ALOX5AP: variants seen among roughly 807,000 people sequenced by gnomAD.
ALOX5AP encodes arachidonate 5-lipoxygenase activating protein.
ALOX5AP carries 9 observed loss-of-function variants against 18.5 expected under a neutral mutation model. The ratio of observed to expected loss-of-function variants is 0.49; its 90% confidence interval spans 0.29 to 0.85. The LOEUF (loss-of-function observed/expected upper bound fraction) is 0.85, where lower values mean the gene tolerates loss of function less well. Ranked by LOEUF, ALOX5AP falls within the 40% of genes least tolerant of loss-of-function variation. The pLI, the probability that ALOX5AP is intolerant of heterozygous loss-of-function variation, is 0.08. For missense variants in ALOX5AP, 172 were observed against 202.5 expected (o/e 0.85, Z 0.91); for synonymous variants, 81 against 78.6 (o/e 1.03, Z -0.16).
At chr13:30,714,767 A>G (rs1377826537) in intron 1 of ALOX5AP, among the ~76,000 whole-genome samples, 1 of 152,182 alleles carries the variant, frequency 6.6e-6, no homozygotes, top group African/African-American at 2.4e-5. Flanking sequence ...TCCTAAGCTT[A>G]CGCCGTCACA....
At chr13:30,753,558 C>T (rs183521875) in intron 3 of ALOX5AP, among the ~76,000 whole-genome samples, 5 of 152,190 alleles carry the variant, frequency 3.3e-5, no homozygotes, top group Admixed American at 3.3e-4. Context: ...TGATAATCGT[C>T]ATTTCTTAGG....
intron 1 of ALOX5AP, among the ~76,000 whole-genome samples, chr13:30,741,103 CTTTTTTTTTTTTTTTTT>C (rs59980433): frequency 7.8e-5 from 5 of 63,968 alleles, no homozygotes; most frequent in Middle Eastern, 0.015. Context: ...CCTCCATATC[CTTTTTTTTTTTTTTTTT>C]TTTTTTTTTT....
upstream of ALOX5AP, among the ~76,000 whole-genome samples, chr13:30,735,275 C>T (rs945779561): frequency 2.0e-5 from 3 of 151,932 alleles, no homozygotes; most frequent in Non-Finnish European, 4.4e-5. Flanking sequence ...TCGTGCTGGT[C>T]ATGGTCTTGG....
upstream of ALOX5AP, among the ~76,000 whole-genome samples, chr13:30,734,833 C>T (rs1043437406): frequency 6.6e-6 from 1 of 152,226 alleles, no homozygotes; most frequent in African/African-American, 2.4e-5. Flanking sequence ...GAGATATCAG[C>T]TGTCCCTCCC....
intron 1 of ALOX5AP, among the ~76,000 whole-genome samples, chr13:30,739,405 A>G (rs1951745406): frequency 6.6e-6 from 1 of 152,310 alleles, no homozygotes; most frequent in South Asian, 2.1e-4. Context: ...ACAGGTCTTT[A>G]TAAGTGTATG....
Position 30,747,049 on chromosome 13 carries a change from G to A in ALOX5AP, c.170+2890G>A, listed in dbSNP as rs190195213. ...GATACACTAGCCAGTGTGGCTCATCGGCTCAGACTTGGCCTTAATTAATGG... is the reference window on the plus strand; with the variant it reads ...GATACACTAGCCAGTGTGGCTCATCAGCTCAGACTTGGCCTTAATTAATGG... On this transcript the variant is annotated intron_variant, in intron 2 of 4. Coordinates refer to ENST00000380490, the MANE Select transcript of ALOX5AP (RefSeq NM_001629.4). 3.3e-5 allele frequency among the ~76,000 whole-genome samples: 5 copies of A among 152,348 alleles called. No homozygotes were observed. The East Asian group carries it at 5.8e-4, about 18-fold the overall frequency.
intron 1 of ALOX5AP, among the ~76,000 whole-genome samples, chr13:30,723,040 G>A (rs755674135): frequency 6.6e-6 from 1 of 152,158 alleles, no homozygotes. Context: ...TTCCTTTATA[G>A]CAACACAAAT....
chr13:30,730,669 G>C (rs957050818), upstream of ALOX5AP, among the ~76,000 whole-genome samples: 44 of 152,214 alleles, frequency 2.9e-4, no homozygotes, highest in African/African-American at 9.7e-4. Context: ...ACCCTGAAGT[G>C]AGGATGAAGG....
chr13:30,743,530 C>G lies in ALOX5AP; in HGVS notation c.71-530C>G, dbSNP rs948409714. Among the ~76,000 whole-genome samples the G allele has an allele frequency of 2.0e-5, 3 of 152,170 alleles. No homozygotes were observed. The South Asian group carries it at 6.2e-4, about 32-fold the overall frequency. The stretch of plus-strand genomic sequence containing the variant: ...TCCCTCCCCAGTGCCCTCCATTCCC[C>G]CTCCTTGGCTGAACATTCTGAACCA... On this transcript the variant is annotated intron_variant, in intron 1 of 4. Coordinates refer to ENST00000380490, the MANE Select transcript of ALOX5AP (RefSeq NM_001629.4).
At chr13:30,734,308 T>C (rs1951703832), upstream of ALOX5AP, among the ~76,000 whole-genome samples, 1 of 151,956 alleles carries the variant, frequency 6.6e-6, no homozygotes, top group Admixed American at 6.5e-5. Flanking sequence ...ACCGAGGGCA[T>C]TGAAGCGGGC....
rs17245407 is a variant in ALOX5AP, at chr13:30,735,582, C to T, written c.-24C>T. 5.1e-3 allele frequency: 8,210 copies of T among 1,613,874 alleles called. 380 individuals carry two copies. The African/African-American group carries it at 0.097, about 19-fold the overall frequency. ...TTGTGCAGCTGGAGGCAGAGCAGTC[C>T]TCTCTGGGGAGCCTGAAGCAAACAT... On this transcript the variant is annotated 5_prime_UTR_variant, in exon 1 of 5. Coordinates refer to ENST00000380490, the MANE Select transcript of ALOX5AP (RefSeq NM_001629.4).
intron 1 of ALOX5AP, among the ~76,000 whole-genome samples, chr13:30,729,268 T>G (rs965118161): frequency 6.6e-6 from 1 of 152,200 alleles, no homozygotes; most frequent in South Asian, 2.1e-4. Context: ...ATATTTTTAG[T>G]TTTTATGTTT....
intron 1 of ALOX5AP, among the ~76,000 whole-genome samples, chr13:30,737,338 C>T (rs1951729444): frequency 1.3e-5 from 2 of 152,242 alleles, no homozygotes; most frequent in Non-Finnish European, 1.5e-5. Flanking sequence ...GGAACTGGCC[C>T]TGCTCTGCCC....
chr13:30,733,252 C>T (rs1203235584), upstream of ALOX5AP, among the ~76,000 whole-genome samples: 2 of 151,652 alleles, frequency 1.3e-5, no homozygotes, highest in African/African-American at 4.9e-5. Flanking sequence ...TTCTTTTCAA[C>T]TTCAGCTGTC....
chr13:30,741,795 A>T (rs1046301190), intron 1 of ALOX5AP, among the ~76,000 whole-genome samples: 1 of 150,922 alleles, frequency 6.6e-6, no homozygotes, highest in Non-Finnish European at 1.5e-5. Flanking sequence ...CAAGAAAAAA[A>T]ATCTGTACAT....
At chr13:30,736,577 C>T (rs779639618) in intron 1 of ALOX5AP, among the ~76,000 whole-genome samples, 5 of 152,200 alleles carry the variant, frequency 3.3e-5, no homozygotes, top group Admixed American at 6.5e-5. Flanking sequence ...CATGCTGTCA[C>T]GTTTTTGGAA....
chr13:30,754,476 T>C (rs1401974678), intron 3 of ALOX5AP, among the ~76,000 whole-genome samples: 1 of 152,140 alleles, frequency 6.6e-6, no homozygotes, highest in African/African-American at 2.4e-5. Flanking sequence ...ATTCCTATGG[T>C]GAGTGAAATA....
intron 2 of ALOX5AP, among the ~76,000 whole-genome samples, chr13:30,748,302 A>C (rs976428794): frequency 1.3e-5 from 2 of 152,218 alleles, no homozygotes; most frequent in African/African-American, 4.8e-5. Flanking sequence ...TAGTATTGAC[A>C]CTATTATTAA....
At chr13:30,721,425 G>GA (rs1951592980) in intron 1 of ALOX5AP, among the ~76,000 whole-genome samples, 1 of 152,116 alleles carries the variant, frequency 6.6e-6, no homozygotes, top group Non-Finnish European at 1.5e-5. Flanking sequence ...ACATTTATCT[G>GA]TTTTTTTAAG....
Sources: allele counts gnomAD v4.1 joint callset (sites outside exome capture counted in the v4.1 genomes callset), GRCh38; gene constraint gnomAD v4.1.1; transcripts MANE v1.5; gene names NCBI Gene and HGNC (gene_info 2026-07-23, HGNC 2026-07-21).